CTNNA3: variants seen among roughly 807,000 people sequenced by gnomAD.
The protein encoded by CTNNA3 is catenin alpha 3, also known as catenin alpha-3.
A neutral mutation model predicts 95.7 loss-of-function variants in CTNNA3; 76 were observed. The ratio of observed to expected loss-of-function variants is 0.79; its 90% CI spans 0.66 to 0.96. The LOEUF (loss-of-function observed/expected upper bound fraction) is 0.96. CTNNA3 is among the 40% of genes least tolerant of loss of function. The pLI, the probability that CTNNA3 is intolerant of heterozygous loss-of-function variation, is 0.00. For synonymous variants in CTNNA3, 431 were observed against 374.4 expected (o/e 1.15, Z -1.74); for missense variants, 1,191 against 1,089.8 (o/e 1.09, Z -1.31).
At chr10:65,977,641 G>A (rs947199815) in intron 16 of CTNNA3, among the ~76,000 whole-genome samples, 2 of 151,972 alleles carry the variant, frequency 1.3e-5, no homozygotes, top group African/African-American at 4.8e-5. Flanking sequence ...TATTAGCCGG[G>A]CATGGTGACT....
At chr10:67,294,226 A>G (rs1338609643) in intron 5 of CTNNA3, among the ~76,000 whole-genome samples, 1 of 152,184 alleles carries the variant, frequency 6.6e-6, no homozygotes, top group Non-Finnish European at 1.5e-5. Flanking sequence ...AAAAAAATAA[A>G]TCAATGAGTA....
chr10:67,681,497 T>C (rs1840625739), intron 1 of CTNNA3, among the ~76,000 whole-genome samples: 1 of 152,098 alleles, frequency 6.6e-6, no homozygotes, highest in Non-Finnish European at 1.5e-5. Flanking sequence ...GCTTACTCCC[T>C]GCTCACTCTT....
intron 1 of CTNNA3, among the ~76,000 whole-genome samples, chr10:67,755,099 G>A (rs367662956): frequency 4.0e-5 from 6 of 151,312 alleles, no homozygotes; most frequent in African/African-American, 1.5e-4. Flanking sequence ...AGGCTGAGGC[G>A]AGAGGATCAC....
At chr10:67,617,204 T>G (rs568163618) in intron 2 of CTNNA3, among the ~76,000 whole-genome samples, 1 of 152,324 alleles carries the variant, frequency 6.6e-6, no homozygotes, top group Non-Finnish European at 1.5e-5. Flanking sequence ...GATTATTTCA[T>G]CACCCAGGTA....
At chr10:66,317,697 G>GAAAA (rs764136787) in intron 12 of CTNNA3, among the ~76,000 whole-genome samples, 1 of 150,950 alleles carries the variant, frequency 6.6e-6, no homozygotes, top group African/African-American at 2.4e-5. Flanking sequence ...AATTTAAAAT[G>GAAAA]AGAAAAGAAA....
intron 7 of CTNNA3, among the ~76,000 whole-genome samples, chr10:67,083,746 T>G (rs1256404044): frequency 6.6e-6 from 1 of 152,116 alleles, no homozygotes; most frequent in Non-Finnish European, 1.5e-5. Flanking sequence ...ATCACTAAAA[T>G]AAACAGCCAA....
chr10:65,942,980 C>T (rs566311444), intron 17 of CTNNA3, among the ~76,000 whole-genome samples: 1 of 151,910 alleles, frequency 6.6e-6, no homozygotes, highest in African/African-American at 2.4e-5. Flanking sequence ...GAACTTAAAA[C>T]ATTTTCCGAT....
chr10:67,704,115 T>C (rs944571552), intron 1 of CTNNA3, among the ~76,000 whole-genome samples: 1 of 152,016 alleles, frequency 6.6e-6, no homozygotes, highest in East Asian at 1.9e-4. Flanking sequence ...TACTGCTCAA[T>C]GAAATAAAAG....
chr10:67,264,045 A>G (rs1030172395), intron 5 of CTNNA3, among the ~76,000 whole-genome samples: 6 of 152,154 alleles, frequency 3.9e-5, no homozygotes, highest in Non-Finnish European at 5.9e-5. Context: ...CATTTGAACT[A>G]GCATTGAAGT....
intron 9 of CTNNA3, among the ~76,000 whole-genome samples, chr10:66,623,299 G>C (rs1844816169): frequency 6.6e-6 from 1 of 152,034 alleles, no homozygotes; most frequent in Admixed American, 6.6e-5. Flanking sequence ...GCTCAATGTG[G>C]TCAAATTAGA....
intron 7 of CTNNA3, among the ~76,000 whole-genome samples, chr10:67,040,617 T>C (rs1277923805): frequency 6.6e-6 from 1 of 152,138 alleles, no homozygotes; most frequent in Admixed American, 6.6e-5. Context: ...TATGTGTCTA[T>C]ATTTTTTAAA....
In CTNNA3 at chr10:67,301,937, C is replaced by T. The variant is rs924395105; in HGVS notation, c.580-82067G>A. 1.0e-4 allele frequency among the ~76,000 whole-genome samples: 15 copies of T among 148,064 alleles called. 2 individuals carry two copies. The highest frequency in any genetic ancestry group is 1.0e-3 in the Admixed American group (15 of 14,854). ...TGAGCGGAGATCGCGCCACTGCACC[C>T]CAGCCTGGGCGACAGAGCGAGACTC... On this transcript the variant is annotated intron_variant, in intron 5 of 17. Coordinates refer to ENST00000433211, the MANE Select transcript of CTNNA3 (RefSeq NM_013266.4).
intron 11 of CTNNA3, among the ~76,000 whole-genome samples, chr10:66,498,744 G>C (rs934041733): frequency 6.6e-6 from 1 of 152,116 alleles, no homozygotes. Flanking sequence ...GCTAGAAGAA[G>C]CCTTGATTTG....
At position 66,784,374 on chromosome 10, in the gene CTNNA3, C is replaced by T. The variant is rs577320237; in HGVS notation, c.1048-8850G>A. Among the ~76,000 whole-genome samples, 11 of 152,158 alleles carry T rather than the reference C, an allele frequency of 7.2e-5. No individual in the cohort carries two copies. The South Asian group carries it at 1.9e-3, about 26-fold the overall frequency. On this transcript the variant is annotated intron_variant, in intron 7 of 17. Coordinates refer to ENST00000433211, the MANE Select transcript of CTNNA3 (RefSeq NM_013266.4). The stretch of plus-strand genomic sequence containing the variant: ...ATTCTTTTATAGCAGTCCTCTTAGC[C>T]TATTGAAAATATTATTTGTTATGAA...
intron 13 of CTNNA3, among the ~76,000 whole-genome samples, chr10:66,181,817 C>A (rs569370533): frequency 2.6e-5 from 4 of 152,082 alleles, no homozygotes; most frequent in South Asian, 2.1e-4. Context: ...AGTTCTTTGA[C>A]ATACTAATCA....
At chr10:66,535,205 T>G (rs1011485899) in intron 10 of CTNNA3, among the ~76,000 whole-genome samples, 1 of 152,048 alleles carries the variant, frequency 6.6e-6, no homozygotes, top group Non-Finnish European at 1.5e-5. Context: ...AGTTAGTTGA[T>G]AGACAAAAAT....
intron 2 of CTNNA3, among the ~76,000 whole-genome samples, chr10:67,615,081 T>C (rs1843602603): frequency 6.6e-6 from 1 of 152,218 alleles, no homozygotes; most frequent in South Asian, 2.1e-4. Context: ...GGCTTCAATA[T>C]GTGAATGTTG....
At chr10:66,612,855 T>C (rs1485217110) in intron 10 of CTNNA3, among the ~76,000 whole-genome samples, 4 of 152,144 alleles carry the variant, frequency 2.6e-5, no homozygotes, top group Non-Finnish European at 5.9e-5. Flanking sequence ...CATTTTTCTG[T>C]GGGCTCTCCC....
intron 9 of CTNNA3, among the ~76,000 whole-genome samples, chr10:66,678,550 G>C (rs1039390971): frequency 1.3e-5 from 2 of 152,156 alleles, no homozygotes. Context: ...TCACAACAGG[G>C]AATGCAGAAG....
Sources: gnomAD v4.1 joint callset for allele counts (sites outside exome capture counted in the v4.1 genomes callset) on GRCh38, gnomAD v4.1.1 for gene constraint, MANE v1.5 for transcripts, NCBI Gene and HGNC (gene_info 2026-07-23, HGNC 2026-07-21) for gene names.